SGCZ: variants seen among roughly 807,000 people sequenced by gnomAD.
The protein encoded by SGCZ is zeta-sarcoglycan.
Under a neutral mutation model 41.3 loss-of-function variants are expected in SGCZ, and 40 were observed. The ratio of observed to expected loss-of-function variants is 0.97; its 90% CI spans 0.75 to 1.26. The LOEUF is 1.26. SGCZ is among the 50% of genes most tolerant of loss of function. SGCZ has a pLI of 0.00. For synonymous variants in SGCZ, 206 were observed against 137.5 expected (o/e 1.50, Z -3.49); for missense variants, 552 against 369.8 (o/e 1.49, Z -4.04).
At chr8:15,085,733 C>G (rs1017280526) in intron 1 of SGCZ, among the ~76,000 whole-genome samples, 1 of 152,062 alleles carries the variant, frequency 6.6e-6, no homozygotes, top group Non-Finnish European at 1.5e-5. Flanking sequence ...TTTTTCCTCT[C>G]TTGCCCACAC....
At chr8:14,168,623 G>A (rs1300366979) in intron 4 of SGCZ, among the ~76,000 whole-genome samples, 2 of 152,112 alleles carry the variant, frequency 1.3e-5, no homozygotes, top group Non-Finnish European at 2.9e-5. Flanking sequence ...CCAGCCACGT[G>A]GAACTGTGAG....
chr8:14,236,177 A>C (rs1368713032), intron 4 of SGCZ, among the ~76,000 whole-genome samples: 1 of 152,194 alleles, frequency 6.6e-6, no homozygotes, highest in African/African-American at 2.4e-5. Flanking sequence ...AACAGCATGA[A>C]TATTTAAGTG....
chr8:14,466,638 A>T (rs953755570), intron 2 of SGCZ, among the ~76,000 whole-genome samples: 1 of 150,990 alleles, frequency 6.6e-6, no homozygotes, highest in Non-Finnish European at 1.5e-5. Flanking sequence ...TTTTCACTTA[A>T]CCTCCATCTT....
chr8:14,302,953 C>G (rs1801244563), intron 3 of SGCZ, among the ~76,000 whole-genome samples: 1 of 152,100 alleles, frequency 6.6e-6, no homozygotes, highest in South Asian at 2.1e-4. Context: ...TCTTTCCAGT[C>G]TCAGTCATAT....
At chr8:14,581,645 A>G (rs1804892627) in intron 1 of SGCZ, among the ~76,000 whole-genome samples, 1 of 152,172 alleles carries the variant, frequency 6.6e-6, no homozygotes, top group Non-Finnish European at 1.5e-5. Flanking sequence ...TTCAGAGTCC[A>G]GAAAGCATCA....
chr8:14,350,382 ATTTTAGCTTGGAGTTGTAT>A (rs1803045075), intron 2 of SGCZ, among the ~76,000 whole-genome samples: 1 of 152,026 alleles, frequency 6.6e-6, no homozygotes, highest in Non-Finnish European at 1.5e-5. Flanking sequence ...TTTTTCAAGT[ATTTTAGCTTGGAGTTGTAT>A]TGAATACTAT....
At chr8:14,686,199 T>C (rs1306524513) in intron 1 of SGCZ, among the ~76,000 whole-genome samples, 1 of 152,112 alleles carries the variant, frequency 6.6e-6, no homozygotes, top group African/African-American at 2.4e-5. Context: ...TTACAGTATA[T>C]GTTTAGAAGT....
intron 1 of SGCZ, among the ~76,000 whole-genome samples, chr8:14,657,891 G>A (rs568271908): frequency 2.4e-4 from 36 of 152,058 alleles, no homozygotes; most frequent in Non-Finnish European, 4.1e-4. Context: ...ATCCTAATAA[G>A]AATCAGGCTT....
chr8:14,535,489 C>G lies in SGCZ; in HGVS notation c.234+19243G>C, dbSNP rs17119733. On this transcript the variant is annotated intron_variant, in intron 2 of 7. Coordinates refer to ENST00000382080, the MANE Select transcript of SGCZ (RefSeq NM_139167.4). ...GCAATGACAATCTTTATTATTTCCT[C>G]CTATTTGCCCCACACAAGCTGTAAT... 4.3e-3 allele frequency among the ~76,000 whole-genome samples: 661 copies of G among 151,978 alleles called. 24 individuals carry two copies. The East Asian group carries it at 0.096, about 22-fold the overall frequency.
At chr8:14,951,380 G>T (rs985389331) in intron 1 of SGCZ, among the ~76,000 whole-genome samples, 1 of 151,864 alleles carries the variant, frequency 6.6e-6, no homozygotes, top group African/African-American at 2.4e-5. Flanking sequence ...AATCACTATA[G>T]TGCATGTCAA....
chr8:15,172,290 T>C (rs1038833250), intron 1 of SGCZ, among the ~76,000 whole-genome samples: 23 of 148,690 alleles, frequency 1.5e-4, no homozygotes, highest in Admixed American at 6.1e-4. Context: ...GCCTCCCGAG[T>C]AGCTGGGACT....
At chr8:14,272,588 G>A (rs1356075263) in intron 3 of SGCZ, among the ~76,000 whole-genome samples, 1 of 152,188 alleles carries the variant, frequency 6.6e-6, no homozygotes, top group African/African-American at 2.4e-5. Flanking sequence ...AAGCCTCCAG[G>A]AAGAGGCTGT....
intron 1 of SGCZ, among the ~76,000 whole-genome samples, chr8:14,568,677 C>G (rs573202641): frequency 4.5e-4 from 68 of 152,214 alleles, no homozygotes; most frequent in South Asian, 1.0e-3. Flanking sequence ...TGATTGCCTG[C>G]TTCTTCCTGT....
intron 1 of SGCZ, among the ~76,000 whole-genome samples, chr8:15,209,796 T>C (rs932570946): frequency 1.3e-5 from 2 of 152,184 alleles, no homozygotes; most frequent in African/African-American, 4.8e-5. Flanking sequence ...AAACTTTTTT[T>C]ATACTCTAGC....
chr8:14,267,980 T>C (rs1021568978), intron 3 of SGCZ, among the ~76,000 whole-genome samples: 1 of 151,786 alleles, frequency 6.6e-6, no homozygotes, highest in East Asian at 1.9e-4. Context: ...AATTATAGCA[T>C]TTCAAAAGAA....
chr8:14,133,862 T>C (rs1334225486), intron 5 of SGCZ, among the ~76,000 whole-genome samples: 1 of 152,154 alleles, frequency 6.6e-6, no homozygotes, highest in South Asian at 2.1e-4. Flanking sequence ...TATACTGCAC[T>C]CCAGTTTTGT....
rs995342164 is a variant in SGCZ, at chr8:14,983,218, C to T, written c.39+254367G>A. The stretch of plus-strand genomic sequence containing the variant: ...TTTTTTTTTTTGAGACAGGTTCTCA[C>T]TCTCTCGCCCAGGCTGGAGTGCAGT... On this transcript the variant is annotated intron_variant, in intron 1 of 7. Transcript: ENST00000382080. 2.2e-4 allele frequency among the ~76,000 whole-genome samples: 32 copies of T among 146,838 alleles called. 1 individual carries two copies. Among genetic ancestry groups the T allele is most frequent in the African/African-American group, 7.8e-4 (31 of 39,664 alleles).
rs1804376814 is a variant in SGCZ at position 15,048,060 on chromosome 8, A to G, written c.39+189525T>C. Among the ~76,000 whole-genome samples, 4 of 152,046 alleles carry G rather than the reference A, an allele frequency of 2.6e-5. No homozygotes were observed. In the South Asian group the frequency reaches 8.3e-4, roughly 32 times the overall value. ...CCATATTCATTGCACCATTCTTCAC[A>G]ATAGCCAAGATATGGAGTCAATCTA... is the stretch of plus-strand genomic sequence containing the variant. On this transcript the variant is annotated intron_variant, in intron 1 of 7. Transcript: ENST00000382080.
intron 1 of SGCZ, among the ~76,000 whole-genome samples, chr8:14,934,956 T>G (rs1258766489): frequency 6.6e-5 from 10 of 150,630 alleles, no homozygotes; most frequent in Non-Finnish European, 1.2e-4. Flanking sequence ...GCCCCTCAAC[T>G]TAGAGTTATT....
Sources: gnomAD v4.1 joint callset for allele counts (sites outside exome capture counted in the v4.1 genomes callset) on GRCh38, gnomAD v4.1.1 for gene constraint, MANE v1.5 for transcripts, NCBI Gene and HGNC (gene_info 2026-07-23, HGNC 2026-07-21) for gene names.